The following TRAF3IP1 variants were observed in gnomAD, a reference collection of about 807,000 sequenced individuals.
The protein encoded by TRAF3IP1 is intraflagellar transport 54.
In TRAF3IP1, 53 loss-of-function variants were observed where a neutral mutation model predicts 89.9. The observed-to-expected ratio is 0.59, with a 90% CI of 0.47 to 0.74. The LOEUF is 0.74. Among genes scored for constraint, TRAF3IP1 ranks in the 30% least tolerant of loss-of-function variants. The pLI is 0.00. For missense variants in TRAF3IP1, 806 were observed against 866.1 expected, an observed-to-expected ratio of 0.93 and a Z score of 0.87; for synonymous variants, 311 against 322.1, an observed-to-expected ratio of 0.97 and a Z score of 0.37.
intron 3 of TRAF3IP1, among the ~76,000 whole-genome samples, chr2:238,328,258 G>T (rs554151521): frequency 1.3e-5 from 2 of 152,160 alleles, no homozygotes; most frequent in African/African-American, 4.8e-5. Flanking sequence ...GTGGTTTTGT[G>T]TGTTTTTTTT....
At chr2:238,356,604 G>A (rs183622343) in intron 15 of TRAF3IP1, among the ~76,000 whole-genome samples, 358 of 152,172 alleles carry the variant, frequency 2.4e-3, no homozygotes, top group Middle Eastern at 3.4e-3. Context: ...CCCCGTCTTG[G>A]GAGGGGGCAG....
At chr2:238,328,468 G>A (rs1462630449) in intron 3 of TRAF3IP1, among the ~76,000 whole-genome samples, 5 of 152,174 alleles carry the variant, frequency 3.3e-5, no homozygotes, top group Admixed American at 2.0e-4. Context: ...TTGGGTGGAC[G>A]CTACTGTTAG....
rs199906168 is a variant in TRAF3IP1, at chr2:238,352,845, C to T, written c.1470C>T (p.Thr490=). The T allele has an allele frequency of 3.2e-5, 52 of 1,609,070 alleles. No individual in the cohort carries two copies. Among genetic ancestry groups the T allele is most frequent in the African/African-American group, 2.5e-4 (19 of 74,692 alleles). ...TATTTAGGTCAGGGAGTGGTAAAAC[C>T]GTTTCAAATGTGATTACAGAGTCAC... is the stretch of plus-strand genomic sequence containing the variant. The part of the protein sequence containing the change: ...LQMDRSGSGK[T]VSNVITESHN... Residue 490 remains threonine (T), a synonymous_variant, in exon 13 of 17, where the codon ACC becomes ACT. Coordinates refer to ENST00000373327, the MANE Select transcript of TRAF3IP1 (RefSeq NM_015650.4).
intron 15 of TRAF3IP1, among the ~76,000 whole-genome samples, chr2:238,360,753 G>C (rs1699622020): frequency 6.6e-6 from 1 of 152,060 alleles, no homozygotes; most frequent in African/African-American, 2.4e-5. Context: ...TAGTGGCACA[G>C]GGCTGTAGTC....
rs1698831156 is a variant in TRAF3IP1 at position 238,345,102 on chromosome 2, C to T, written c.1261+504C>T. Among the ~76,000 whole-genome samples, 1 of 152,196 alleles carries T rather than the reference C, an allele frequency of 6.6e-6. No individual in the cohort carries two copies. The highest frequency in any genetic ancestry group is 2.1e-4 in the South Asian group (1 of 4,832). On this transcript the variant is annotated intron_variant, in intron 9 of 16. Coordinates refer to ENST00000373327, the MANE Select transcript of TRAF3IP1 (RefSeq NM_015650.4). The surrounding 1 kb of genome is among the most constrained non-coding windows in gnomAD (Gnocchi z 4.7). The stretch of plus-strand genomic sequence containing the variant: ...TTTGTGTTTTGAGGCCTTGGAGCTC[C>T]TAACAGGCCTGCAAGGGTACCAGTG...
At chr2:238,323,518 A>G (rs976469828) in intron 1 of TRAF3IP1, among the ~76,000 whole-genome samples, 4 of 152,214 alleles carry the variant, frequency 2.6e-5, no homozygotes, top group African/African-American at 9.6e-5. Context: ...TAGCTCTTAC[A>G]TAGTGTGGTG....
rs770860417 is a variant in TRAF3IP1 at position 238,398,829 on chromosome 2, C to T, written c.1986C>T (p.Asp662=). The part of the protein sequence containing the change: ...ELEQLIKDQQ[D]KICAVKANIL... Reference sequence around the variant, plus strand: ...AGCAGCTGATCAAAGACCAGCAAGACAAGATCTGTGCTGTGAAGGCCAACA... The same window carrying T: ...AGCAGCTGATCAAAGACCAGCAAGATAAGATCTGTGCTGTGAAGGCCAACA... Residue 662 remains aspartate (D), a synonymous_variant, in exon 17 of 17, where the codon GAC becomes GAT. Coordinates refer to ENST00000373327, the MANE Select transcript of TRAF3IP1 (RefSeq NM_015650.4). 14 of 1,613,518 alleles carry T rather than the reference C, an allele frequency of 8.7e-6. No individual in the cohort carries two copies. Among genetic ancestry groups the T allele is most frequent in the Non-Finnish European group, 1.2e-5 (14 of 1,179,752 alleles).
chr2:238,323,045 G>A lies in TRAF3IP1; in HGVS notation c.123+2260G>A, dbSNP rs557265189. Among the ~76,000 whole-genome samples, 21 of 151,286 alleles carry A rather than the reference G, an allele frequency of 1.4e-4. No homozygotes were observed. In the South Asian group the frequency reaches 4.4e-3, roughly 31 times the overall value. The stretch of plus-strand genomic sequence containing the variant: ...TTAAGCTAAGTGTGGATACTGTGAC[G>A]TTAATGTCTCTTGTCACTTACAGTT... On this transcript the variant is annotated intron_variant, in intron 1 of 16. Coordinates refer to ENST00000373327, the MANE Select transcript of TRAF3IP1 (RefSeq NM_015650.4).
chr2:238,325,760 C>A (rs1465014790), intron 2 of TRAF3IP1, 49 bp from the exon 3 acceptor site: 4 of 1,541,848 alleles, frequency 2.6e-6, no homozygotes, highest in Non-Finnish European at 3.6e-6. Context: ...AGATAATGCA[C>A]ACTCTTCAAA....
chr2:238,323,218 G>C (rs59631331), intron 1 of TRAF3IP1, among the ~76,000 whole-genome samples: 1 of 151,938 alleles, frequency 6.6e-6, no homozygotes, highest in African/African-American at 2.4e-5. Context: ...AGCTGGGACT[G>C]CAGGCACATG....
chr2:238,327,303 C>A (rs1390814901), intron 3 of TRAF3IP1, among the ~76,000 whole-genome samples: 2 of 152,224 alleles, frequency 1.3e-5, no homozygotes, highest in African/African-American at 4.8e-5. Flanking sequence ...TCCTCCCTCC[C>A]AGGCTGACTT....
chr2:238,378,381 G>T (rs1700408479), intron 15 of TRAF3IP1, among the ~76,000 whole-genome samples: 1 of 152,238 alleles, frequency 6.6e-6, no homozygotes, highest in Admixed American at 6.5e-5. Flanking sequence ...GCTAGGCACT[G>T]TTCTCGGCAT....
intron 15 of TRAF3IP1, among the ~76,000 whole-genome samples, chr2:238,368,404 G>A (rs1574949427): frequency 6.6e-6 from 1 of 152,106 alleles, no homozygotes; most frequent in South Asian, 2.1e-4. Context: ...CTGTTATTAA[G>A]GTTTTTCTGA....
intron 9 of TRAF3IP1, 70 bp from the exon 10 acceptor site, chr2:238,347,385 C>A: frequency 6.5e-7 from 1 of 1,531,640 alleles, no homozygotes; most frequent in Non-Finnish European, 9.0e-7. Context: ...TTCTCCAATT[C>A]TGTTCTCATC....
At chr2:238,355,084 C>T (rs1302344069) in intron 14 of TRAF3IP1, among the ~76,000 whole-genome samples, 1 of 152,134 alleles carries the variant, frequency 6.6e-6, no homozygotes, top group Non-Finnish European at 1.5e-5. Flanking sequence ...TTGGATATCA[C>T]TAAGTTTATT....
In TRAF3IP1 at chr2:238,386,087, G is replaced by A. The variant is rs745407359; in HGVS notation, c.1690-11372G>A. ...GTCTGAAGAACAGAGCAGGTTGGGA[G>A]TTTTATCAGAAAGAGAAAGGTTACG... is the stretch of plus-strand genomic sequence containing the variant. On this transcript the variant is annotated intron_variant, in intron 15 of 16. Coordinates refer to ENST00000373327, the MANE Select transcript of TRAF3IP1 (RefSeq NM_015650.4). 4.6e-5 allele frequency among the ~76,000 whole-genome samples: 7 copies of A among 152,332 alleles called. 1 individual carries two copies. The highest frequency in any genetic ancestry group is 6.8e-3 in the Middle Eastern group (2 of 294).
Position 238,388,325 on chromosome 2 carries a change from A to C in TRAF3IP1, c.1690-9134A>C, listed in dbSNP as rs566169548. Among the ~76,000 whole-genome samples, 63 of 146,858 alleles carry C rather than the reference A, an allele frequency of 4.3e-4. 1 individual carries two copies. The South Asian group carries it at 0.012, about 29-fold the overall frequency. ...GGGAGGCGGAAGTTGCAGTGAGCTG[A>C]GATCGCGCCACTGCACTCCAGCCTG... On this transcript the variant is annotated intron_variant, in intron 15 of 16. Transcript: ENST00000373327.
At chr2:238,332,772 A>G in intron 5 of TRAF3IP1, 52 bp from the exon 6 acceptor site, 15 of 1,332,590 alleles carry the variant, frequency 1.1e-5, no homozygotes, top group Non-Finnish European at 1.6e-5. Context: ...ATATTTTTAG[A>G]TATTATGGAT....
chr2:238,347,579 A>T, intron 10 of TRAF3IP1, 104 bp downstream of exon 10: 1 of 1,135,816 alleles, frequency 8.8e-7, no homozygotes, highest in Non-Finnish European at 1.3e-6. Context: ...GCATTAGTGA[A>T]AGTAACTTAT....
Sources: allele counts gnomAD v4.1 joint callset (sites outside exome capture counted in the v4.1 genomes callset), GRCh38; gene constraint gnomAD v4.1.1; non-coding constraint Gnocchi (gnomAD v3.1); transcripts MANE v1.5; gene names NCBI Gene and HGNC (gene_info 2026-07-23, HGNC 2026-07-21).